CD9: variants seen among roughly 807,000 people sequenced by gnomAD.
The protein encoded by CD9 is CD9 molecule.
In CD9, 10 loss-of-function variants were observed where a neutral mutation model predicts 31.4. The ratio of observed to expected loss-of-function variants is 0.32; its 90% confidence interval spans 0.20 to 0.54. The LOEUF (loss-of-function observed/expected upper bound fraction) is 0.54. Among genes scored for constraint, CD9 ranks in the 20% least tolerant of loss-of-function variants. The probability of loss-of-function intolerance (pLI) is 0.94; values close to 1 mark genes in which losing one functional copy is unlikely to be tolerated. For synonymous variants in CD9, 113 were observed against 114.1 expected (o/e 0.99, Z 0.06); for missense variants, 259 against 300.1 (o/e 0.86, Z 1.01).
chr12:6,226,197 A>G (rs2136626480), intron 2 of CD9: 1 of 152,192 alleles, frequency 6.6e-6, no homozygotes, highest in South Asian at 2.1e-4. Context: ...TTCTTTCTAC[A>G]CTCAGGCTTC....
At chr12:6,203,623 C>T (rs1049732637) in intron 1 of CD9, among the ~76,000 whole-genome samples, 6 of 152,192 alleles carry the variant, frequency 3.9e-5, no homozygotes, top group African/African-American at 1.2e-4. Context: ...TGTTCTTCCA[C>T]CACCTCCAGA....
chr12:6,200,850 T>A, intron 1 of CD9: 1 of 353,438 alleles, frequency 2.8e-6, no homozygotes, highest in Middle Eastern at 7.6e-4. Flanking sequence ...CTGAGCACTT[T>A]AGCTCGCCTA....
At chr12:6,210,453 G>T (rs922918476) in intron 1 of CD9, among the ~76,000 whole-genome samples, 56 of 152,018 alleles carry the variant, frequency 3.7e-4, no homozygotes, top group African/African-American at 1.2e-3. Flanking sequence ...AGCACCGGCT[G>T]TTTTTTTTAG....
intron 1 of CD9, among the ~76,000 whole-genome samples, chr12:6,219,120 C>T (rs1390157563): frequency 6.6e-6 from 1 of 152,056 alleles, no homozygotes; most frequent in South Asian, 2.1e-4. Context: ...ATTCTCCTGC[C>T]TCAGCCTCCC....
At chr12:6,214,965 T>C (rs964127121) in intron 1 of CD9, among the ~76,000 whole-genome samples, 3 of 152,158 alleles carry the variant, frequency 2.0e-5, no homozygotes, top group African/African-American at 7.2e-5. Flanking sequence ...AGCACAGAGT[T>C]GTCCAGCCGT....
At chr12:6,213,249 A>T (rs959928806) in intron 1 of CD9, among the ~76,000 whole-genome samples, 4 of 152,138 alleles carry the variant, frequency 2.6e-5, no homozygotes, top group African/African-American at 4.8e-5. Context: ...ACATTCATCC[A>T]TATCTTCTCA....
intron 5 of CD9, 45 bp from the exon 6 acceptor site, chr12:6,235,431 T>C (rs763478827): frequency 1.2e-6 from 2 of 1,613,612 alleles, no homozygotes; most frequent in East Asian, 4.5e-5. Flanking sequence ...AATCGTCTTC[T>C]TACAATTTGT....
intron 1 of CD9, among the ~76,000 whole-genome samples, chr12:6,222,678 G>C (rs1381062215): frequency 6.6e-6 from 1 of 152,200 alleles, no homozygotes; most frequent in Non-Finnish European, 1.5e-5. Flanking sequence ...ATCAATGACT[G>C]GACTTAACAT....
intron 1 of CD9, among the ~76,000 whole-genome samples, chr12:6,222,715 G>A (rs945470505): frequency 1.2e-4 from 19 of 152,188 alleles, no homozygotes; most frequent in African/African-American, 4.6e-4. Context: ...CGACATTGGG[G>A]CTCTCTATAA....
Position 6,235,366 on chromosome 12 carries a change from C to T in CD9, c.447+39C>T, listed in dbSNP as rs371111159. The T allele has an allele frequency of 1.7e-5, 28 of 1,614,140 alleles. No individual in the cohort carries two copies. The African/African-American group carries it at 3.2e-4, about 18-fold the overall frequency. On this transcript the variant is annotated intron_variant, in intron 5 of 7. Transcript: ENST00000009180. ...GCAAAGACACCCTCCTGCGCTTTCT[C>T]CGGATTGTGTCTGCACACAGGGTGC...
chr12:6,201,577 G>A (rs1020748002), intron 1 of CD9, among the ~76,000 whole-genome samples: 5 of 152,376 alleles, frequency 3.3e-5, no homozygotes, highest in African/African-American at 1.2e-4. Context: ...AGGCTGAGAG[G>A]CGACAGAAGC....
At chr12:6,231,117 C>T (rs926255267) in intron 2 of CD9, among the ~76,000 whole-genome samples, 1 of 152,146 alleles carries the variant, frequency 6.6e-6, no homozygotes, top group Non-Finnish European at 1.5e-5. Context: ...TTCTCTCTCG[C>T]GTGCGTGTTT....
chr12:6,232,672 G>T lies in CD9; in HGVS notation c.216G>T (p.Leu72=). The change falls in exon 3 of 8, where the codon CTG becomes CTT. Residue 72 remains leucine (L), a synonymous_variant. Coordinates refer to ENST00000009180, the MANE Select transcript of CD9 (RefSeq NM_001769.4). The surrounding 1 kb of genome is among the most constrained non-coding windows in gnomAD (Gnocchi z 4.8). The part of the protein sequence containing the change: ...ILIGAGALMM[L]VGFLGCCGAV... ...TCGGAGCCGGCGCCCTCATGATGCT[G>T]GTGGGCTTCCTGGGCTGCTGCGGGG... 1 of 1,582,802 alleles carries T rather than the reference G, an allele frequency of 6.3e-7. No individual in the cohort carries two copies.
chr12:6,227,139 G>A (rs753584837), intron 2 of CD9, among the ~76,000 whole-genome samples: 2 of 151,818 alleles, frequency 1.3e-5, no homozygotes, highest in Non-Finnish European at 2.9e-5. Flanking sequence ...TGGGAGTTAA[G>A]AATCTCATGG....
intron 1 of CD9, among the ~76,000 whole-genome samples, chr12:6,224,401 G>A (rs548703830): frequency 7.9e-5 from 12 of 152,070 alleles, no homozygotes; most frequent in Non-Finnish European, 1.6e-4. Context: ...GCGGAGGTCT[G>A]GGTGGCCCTT....
intron 1 of CD9, among the ~76,000 whole-genome samples, chr12:6,220,420 G>A (rs1946281604): frequency 6.6e-6 from 1 of 152,180 alleles, no homozygotes; most frequent in Non-Finnish European, 1.5e-5. Context: ...TTCGGGTTGG[G>A]AGAGATGCAG....
chr12:6,216,538 G>C (rs1254141087), intron 1 of CD9, among the ~76,000 whole-genome samples: 1 of 152,142 alleles, frequency 6.6e-6, no homozygotes, highest in African/African-American at 2.4e-5. Context: ...CTTTCAGCAG[G>C]GTTAATTTGC....
chr12:6,233,055 G>A (rs1218803222), intron 3 of CD9: 7 of 702,022 alleles, frequency 1.0e-5, no homozygotes, highest in Middle Eastern at 2.3e-4. Context: ...GGTCTTTTCC[G>A]AACTCCACGG....
intron 6 of CD9, 175 bp from the exon 7 acceptor site, chr12:6,236,017 C>T: frequency 7.0e-7 from 1 of 1,433,700 alleles, no homozygotes; most frequent in Admixed American, 2.9e-5. Context: ...GCATAGCCAT[C>T]CCTTTGTTCC....
Sources: gnomAD v4.1 joint callset for allele counts (sites outside exome capture counted in the v4.1 genomes callset) on GRCh38, gnomAD v4.1.1 for gene constraint, Gnocchi (gnomAD v3.1) non-coding constraint, MANE v1.5 for transcripts, NCBI Gene and HGNC (gene_info 2026-07-23, HGNC 2026-07-21) for gene names.